Variants in BICRA observed in about 807,000 individuals in gnomAD.
BICRA encodes the protein BRD4-interacting chromatin-remodeling complex-associated protein.
BICRA carries 31 observed loss-of-function variants against 96.9 expected under a neutral mutation model. The observed-to-expected ratio is 0.32, with a 90% CI of 0.24 to 0.43. The LOEUF (loss-of-function observed/expected upper bound fraction) is 0.43. BICRA is among the 20% of genes least tolerant of loss of function. The pLI, the probability that BICRA is intolerant of heterozygous loss-of-function variation, is 1.00. For synonymous variants in BICRA, 1,350 were observed against 1,071.8 expected (o/e 1.26, Z -5.07); for missense variants, 2,283 against 2,190.3 (o/e 1.04, Z -0.84).
intron 7 of BICRA, among the ~76,000 whole-genome samples, chr19:47,686,059 T>C (rs1973153845): frequency 6.6e-6 from 1 of 150,968 alleles, no homozygotes; most frequent in South Asian, 2.1e-4. Context: ...GCCTCCCGAG[T>C]AGCTGGGACT....
chr19:47,623,886 T>C (rs1210780593), intron 1 of BICRA, among the ~76,000 whole-genome samples: 1 of 151,372 alleles, frequency 6.6e-6, no homozygotes, highest in Non-Finnish European at 1.5e-5. Flanking sequence ...AGTTTAGTTC[T>C]TGTTGCCCAG....
chr19:47,661,913 G>T (rs889338), intron 1 of BICRA: 58,787 of 152,114 alleles, frequency 0.39, 11,528 homozygotes, highest in Middle Eastern at 0.43. Flanking sequence ...GATCGCTTGA[G>T]CCCAGGCATT....
intron 1 of BICRA, among the ~76,000 whole-genome samples, chr19:47,611,229 C>T (rs956645313): frequency 5.9e-5 from 9 of 152,118 alleles, no homozygotes; most frequent in Non-Finnish European, 1.5e-5. Flanking sequence ...TTCAGTGGAC[C>T]TGGTTCGGAA....
intron 7 of BICRA, among the ~76,000 whole-genome samples, chr19:47,683,253 T>G (rs1973094030): frequency 6.6e-6 from 1 of 152,158 alleles, no homozygotes; most frequent in Non-Finnish European, 1.5e-5. Flanking sequence ...ATCAGCAATA[T>G]GTGGTTGTGC....
At chr19:47,685,606 T>A (rs1198520184) in intron 7 of BICRA, among the ~76,000 whole-genome samples, 2 of 152,164 alleles carry the variant, frequency 1.3e-5, no homozygotes, top group African/African-American at 4.8e-5. Flanking sequence ...TATGCAGGAA[T>A]GCACGGAATA....
chr19:47,609,088 C>G (rs1277761195), upstream of BICRA: 1 of 148,190 alleles, frequency 6.7e-6, no homozygotes, highest in Non-Finnish European at 1.5e-5. Context: ...CCCGGCCGGC[C>G]GGCCCCTTCT....
At chr19:47,639,565 G>A (rs758593876) in intron 1 of BICRA, among the ~76,000 whole-genome samples, 24 of 149,882 alleles carry the variant, frequency 1.6e-4, no homozygotes, top group Admixed American at 4.0e-4. Context: ...TCCTGACCTC[G>A]TGATCGCCCG....
chr19:47,701,856 C>T lies in BICRA; in HGVS notation c.4124C>T (p.Pro1375Leu), dbSNP rs991608484. The T allele has an allele frequency of 1.6e-5, 24 of 1,508,348 alleles. No homozygotes were observed. The highest frequency in any genetic ancestry group is 2.0e-5 in the Non-Finnish European group (23 of 1,132,526). 93.4% of individuals were successfully genotyped at this position (1,508,348 alleles called of 1,614,324 possible). Residue 1375 changes from proline to leucine, a missense_variant, in exon 15 of 15, where the codon CCC becomes CTC. Physicochemically the swap from Pro to Leu is moderately conservative, Grantham distance 98. Coordinates refer to ENST00000594866, the MANE Select transcript of BICRA (RefSeq NM_001394372.1). The surrounding 1 kb of genome is among the most constrained non-coding windows in gnomAD (Gnocchi z 5.4). ...CCGCCTGCCGCCCCCGAGCGCAAGCCCCTGGGCACCGCCCCGCACTGCCCG... is the reference window on the plus strand; with the variant it reads ...CCGCCTGCCGCCCCCGAGCGCAAGCTCCTGGGCACCGCCCCGCACTGCCCG... ...HPPPAAPERKPLGTAPHCPRL... is the reference protein window; with the variant it reads ...HPPPAAPERKLLGTAPHCPRL...
intron 7 of BICRA, among the ~76,000 whole-genome samples, chr19:47,686,021 C>G (rs1973153240): frequency 6.6e-6 from 1 of 151,682 alleles, no homozygotes; most frequent in African/African-American, 2.4e-5. Context: ...ACCTTCACCT[C>G]CCAGGTTCAA....
At chr19:47,655,046 C>T (rs142415179) in intron 1 of BICRA, among the ~76,000 whole-genome samples, 4 of 152,208 alleles carry the variant, frequency 2.6e-5, no homozygotes, top group Admixed American at 2.6e-4. Context: ...ATGCTTTTCC[C>T]ATCATTTATG....
intron 1 of BICRA, among the ~76,000 whole-genome samples, chr19:47,611,932 C>T (rs945463449): frequency 1.3e-5 from 2 of 151,516 alleles, no homozygotes; most frequent in African/African-American, 2.4e-5. Context: ...GTGCAATGGC[C>T]TGATCTTGGT....
intron 11 of BICRA, among the ~76,000 whole-genome samples, chr19:47,697,603 G>A (rs962501321): frequency 2.6e-5 from 4 of 151,974 alleles, no homozygotes; most frequent in Non-Finnish European, 4.4e-5. Context: ...TCAGTCTCCC[G>A]AGTAGCTGAG....
rs906160364 is a variant in BICRA at position 47,702,518 on chromosome 19, C to T, written c.*103C>T. 5 of 1,316,130 alleles carry T rather than the reference C, an allele frequency of 3.8e-6. No homozygotes were observed. The highest frequency in any genetic ancestry group is 1.7e-5 in the South Asian group (1 of 57,632). 81.5% of individuals were successfully genotyped at this position (1,316,130 alleles called of 1,614,324 possible). A position where few individuals can be genotyped will look rare whatever the true frequency, so the allele number is the denominator to read the frequency against. Reference sequence around the variant, plus strand: ...GGGACTCGAGCCGGGGATCCCCTGACGGTTTTTCTTGCCTAAGTTATTTGA... The same window carrying T: ...GGGACTCGAGCCGGGGATCCCCTGATGGTTTTTCTTGCCTAAGTTATTTGA... On this transcript the variant is annotated 3_prime_UTR_variant, in exon 15 of 15. Coordinates refer to ENST00000594866, the MANE Select transcript of BICRA (RefSeq NM_001394372.1).
chr19:47,670,109 C>T (rs1365616136), intron 1 of BICRA, among the ~76,000 whole-genome samples: 1 of 151,798 alleles, frequency 6.6e-6, no homozygotes, highest in Non-Finnish European at 1.5e-5. Context: ...GCGACCATGC[C>T]CAGCCAAAAA....
At chr19:47,619,100 T>C (rs1331156869) in intron 1 of BICRA, among the ~76,000 whole-genome samples, 2 of 152,182 alleles carry the variant, frequency 1.3e-5, no homozygotes, top group Non-Finnish European at 2.9e-5. Context: ...AAGCTCTTGC[T>C]GTACTGCGGA....
Position 47,694,942 on chromosome 19 carries a change from C to A in BICRA, c.2938C>A (p.Pro980Thr). 6.5e-7 allele frequency: 1 copy of A among 1,535,624 alleles called. No homozygotes were observed. Among genetic ancestry groups the A allele is most frequent in the Non-Finnish European group, 8.7e-7 (1 of 1,149,160 alleles). Reference protein sequence around the residue: ...IILQNKAGGAPAAPQTSTSLG... With the variant: ...IILQNKAGGATAAPQTSTSLG... The stretch of plus-strand genomic sequence containing the variant: ...CCTCCAGAACAAGGCTGGGGGGGCC[C>A]CTGCCGCCCCGCAGACCTCCACCAG... The change falls in exon 9 of 15, where the codon CCT becomes ACT. Residue 980 changes from proline (P) to threonine (T), a missense_variant. Coordinates refer to ENST00000594866, the MANE Select transcript of BICRA (RefSeq NM_001394372.1).
chr19:47,694,752 C>T, intron 8 of BICRA, 26 bp downstream of exon 8: 1 of 1,190,464 alleles, frequency 8.4e-7, no homozygotes, highest in South Asian at 1.4e-5. Context: ...GACTGCCCGC[C>T]CCATCAGCCC....
intron 10 of BICRA, 140 bp from the exon 11 acceptor site, chr19:47,696,311 T>A: frequency 4.3e-6 from 3 of 703,096 alleles, no homozygotes; most frequent in Non-Finnish European, 7.2e-6. Context: ...GGGCAGGGGA[T>A]CCTGTAGCTG....
chr19:47,680,876 A>G lies in BICRA; in HGVS notation c.1706A>G (p.Gln569Arg), dbSNP rs1973037770. Residue 569 changes from glutamine to arginine, a missense_variant, in exon 6 of 15, where the codon CAG becomes CGG. Coordinates refer to ENST00000594866, the MANE Select transcript of BICRA (RefSeq NM_001394372.1). The part of the protein sequence containing the change: ...VSLAAGSLPT[Q>R]SQPAPAGPAA... ...CTGGCGGCGGGCAGCCTGCCCACGC[A>G]GAGCCAGCCAGCGCCCGCCGGGCCG... 2.0e-6 allele frequency: 3 copies of G among 1,493,078 alleles called. No individual in the cohort carries two copies. The highest frequency in any genetic ancestry group is 1.8e-6 in the Non-Finnish European group (2 of 1,131,738). The allele number at this position is 1,493,078 out of a possible 1,614,324, so 92.5% of individuals were successfully genotyped here. A position where few individuals can be genotyped will look rare whatever the true frequency, so the allele number is the denominator to read the frequency against.
Sources: allele counts gnomAD v4.1 joint callset (sites outside exome capture counted in the v4.1 genomes callset), GRCh38; gene constraint gnomAD v4.1.1; non-coding constraint Gnocchi (gnomAD v3.1); transcripts MANE v1.5; gene names NCBI Gene and HGNC (gene_info 2026-07-23, HGNC 2026-07-21).